The following GALNTL6 variants were observed in gnomAD, a reference collection of about 807,000 sequenced individuals.
GALNTL6 encodes the protein polypeptide N-acetylgalactosaminyltransferase like 6.
GALNTL6 carries 46 observed loss-of-function variants against 73.7 expected under a neutral mutation model. That is an observed-to-expected ratio of 0.62 (90% confidence interval 0.49 to 0.80). The LOEUF is 0.80. Among genes scored for constraint, GALNTL6 ranks in the 30% least tolerant of loss-of-function variants. The pLI, the probability that GALNTL6 is intolerant of heterozygous loss-of-function variation, is 0.00. For missense variants in GALNTL6, 604 were observed against 755.0 expected (o/e 0.80, Z 2.34); for synonymous variants, 259 against 263.7 (o/e 0.98, Z 0.17).
intron 5 of GALNTL6, among the ~76,000 whole-genome samples, chr4:172,378,646 G>C (rs902581821): frequency 6.6e-6 from 1 of 151,912 alleles, no homozygotes; most frequent in Non-Finnish European, 1.5e-5. Context: ...ATAATTTATA[G>C]TTACTACTCT....
intron 2 of GALNTL6, among the ~76,000 whole-genome samples, chr4:172,194,413 G>T (rs6841085): frequency 0.042 from 6,397 of 152,204 alleles, 422 homozygotes; most frequent in African/African-American, 0.14. Context: ...CCCTCACCTA[G>T]CATAACAGGA....
intron 5 of GALNTL6, among the ~76,000 whole-genome samples, chr4:172,458,728 T>C (rs1732500533): frequency 6.6e-6 from 1 of 152,102 alleles, no homozygotes; most frequent in Non-Finnish European, 1.5e-5. Context: ...ATTAATAGCC[T>C]ACCAACTAAT....
intron 5 of GALNTL6, among the ~76,000 whole-genome samples, chr4:172,456,883 C>G (rs772360091): frequency 6.6e-6 from 1 of 151,818 alleles, no homozygotes; most frequent in Non-Finnish European, 1.5e-5. Context: ...GAAGAGCAAC[C>G]CCAAAACACA....
intron 5 of GALNTL6, among the ~76,000 whole-genome samples, chr4:172,798,484 G>A (rs1168708609): frequency 6.6e-6 from 1 of 152,148 alleles, no homozygotes; most frequent in African/African-American, 2.4e-5. Context: ...GTGTGCACCT[G>A]CTTCACCTTC....
intron 5 of GALNTL6, among the ~76,000 whole-genome samples, chr4:172,788,648 A>G (rs1431712702): frequency 3.7e-5 from 5 of 133,642 alleles, no homozygotes; most frequent in Admixed American, 3.4e-4. Context: ...CTCCAGCCTG[A>G]GGGACAGGGC....
intron 7 of GALNTL6, among the ~76,000 whole-genome samples, chr4:172,819,808 C>T (rs938048615): frequency 3.9e-5 from 6 of 152,114 alleles, no homozygotes; most frequent in Admixed American, 2.0e-4. Context: ...AGAATTCCCA[C>T]GATTCCATGG....
At chr4:172,148,973 A>C (rs1321426698) in intron 2 of GALNTL6, among the ~76,000 whole-genome samples, 1 of 152,204 alleles carries the variant, frequency 6.6e-6, no homozygotes, top group Non-Finnish European at 1.5e-5. Flanking sequence ...TTACACAGTG[A>C]GGTCTCCATA....
intron 10 of GALNTL6, among the ~76,000 whole-genome samples, chr4:172,959,175 G>T (rs1328659597): frequency 6.6e-6 from 1 of 152,120 alleles, no homozygotes; most frequent in Non-Finnish European, 1.5e-5. Context: ...TGCATGATCG[G>T]TCACTGAGGA....
At chr4:172,499,817 A>G (rs991923682) in intron 5 of GALNTL6, among the ~76,000 whole-genome samples, 3 of 152,204 alleles carry the variant, frequency 2.0e-5, no homozygotes, top group African/African-American at 7.2e-5. Flanking sequence ...TCTCAATGGG[A>G]TAGAATCAGT....
intron 8 of GALNTL6, among the ~76,000 whole-genome samples, chr4:172,927,587 G>A (rs949086122): frequency 1.3e-5 from 2 of 152,120 alleles, no homozygotes. Flanking sequence ...ATGGAGTCTC[G>A]GGGGGATGAT....
At chr4:172,059,814 C>A (rs559933876) in intron 2 of GALNTL6, among the ~76,000 whole-genome samples, 8 of 152,134 alleles carry the variant, frequency 5.3e-5, no homozygotes. Context: ...ATAAAAAACA[C>A]ATCTGTCATT....
At chr4:171,829,554 TC>T (rs1382981531) in intron 2 of GALNTL6, among the ~76,000 whole-genome samples, 2 of 152,092 alleles carry the variant, frequency 1.3e-5, no homozygotes, top group East Asian at 3.8e-4. Context: ...TCATACTTTT[TC>T]CCCCTGGAAT....
chr4:172,211,477 A>G lies in GALNTL6; in HGVS notation c.139-18179A>G, dbSNP rs182001040. 5.9e-5 allele frequency among the ~76,000 whole-genome samples: 9 copies of G among 152,322 alleles called. No individual in the cohort carries two copies. In the East Asian group the frequency reaches 9.6e-4, roughly 16 times the overall value. The stretch of plus-strand genomic sequence containing the variant: ...TAGCCTCCTTCCCTTCCTTATTTGT[A>G]AACTTCCACACTAATAATGACACAC... On this transcript the variant is annotated intron_variant, in intron 2 of 12. Transcript: ENST00000506823.
intron 7 of GALNTL6, among the ~76,000 whole-genome samples, chr4:172,845,405 A>G (rs1743456262): frequency 6.6e-6 from 1 of 151,990 alleles, no homozygotes; most frequent in Non-Finnish European, 1.5e-5. Flanking sequence ...GAGTACCCCA[A>G]CCGCACTTAG....
At chr4:172,194,736 A>G (rs1226820952) in intron 2 of GALNTL6, among the ~76,000 whole-genome samples, 4 of 152,170 alleles carry the variant, frequency 2.6e-5, no homozygotes, top group African/African-American at 9.7e-5. Flanking sequence ...CTTTTCAGAC[A>G]AGCAAATGCT....
chr4:172,684,909 T>A (rs1044589945), intron 5 of GALNTL6, among the ~76,000 whole-genome samples: 3 of 152,206 alleles, frequency 2.0e-5, no homozygotes, highest in Admixed American at 2.0e-4. Flanking sequence ...AACATGCCAA[T>A]TACTCTATGC....
At chr4:171,933,817 C>G (rs1434678756) in intron 2 of GALNTL6, among the ~76,000 whole-genome samples, 1 of 151,974 alleles carries the variant, frequency 6.6e-6, no homozygotes, top group African/African-American at 2.4e-5. Flanking sequence ...ACCTATGATT[C>G]CAGAGCCAGT....
intron 10 of GALNTL6, among the ~76,000 whole-genome samples, chr4:172,997,369 G>C (rs1661265770): frequency 6.6e-6 from 1 of 152,084 alleles, no homozygotes; most frequent in Non-Finnish European, 1.5e-5. Context: ...TACTTTCTCG[G>C]AGCCTCAGTT....
intron 2 of GALNTL6, among the ~76,000 whole-genome samples, chr4:171,864,047 C>A (rs1021900619): frequency 2.6e-5 from 4 of 152,116 alleles, no homozygotes; most frequent in Admixed American, 2.6e-4. Flanking sequence ...CAGGCGTGAG[C>A]CATGGCACCC....
Sources: gnomAD v4.1 joint callset for allele counts (sites outside exome capture counted in the v4.1 genomes callset) on GRCh38, gnomAD v4.1.1 for gene constraint, MANE v1.5 for transcripts, NCBI Gene and HGNC (gene_info 2026-07-23, HGNC 2026-07-21) for gene names.